The following CSMD3 variants were observed in gnomAD, a reference collection of about 807,000 sequenced individuals.
The protein encoded by CSMD3 is CUB and sushi domain-containing protein 3.
Under a neutral mutation model 435.2 loss-of-function variants are expected in CSMD3, and 177 were observed. That is an observed-to-expected ratio of 0.41 (90% CI 0.36 to 0.46). CSMD3 has a LOEUF of 0.46. Among genes scored for constraint, CSMD3 ranks in the 20% least tolerant of loss-of-function variants. CSMD3 has a pLI of 0.34. For missense variants in CSMD3, 4,265 were observed against 4,504.6 expected (o/e 0.95, Z 1.52); for synonymous variants, 1,656 against 1,520.5 (o/e 1.09, Z -2.07).
chr8:112,372,625 G>T (rs1205697375), intron 38 of CSMD3, among the ~76,000 whole-genome samples: 1 of 151,996 alleles, frequency 6.6e-6, no homozygotes, highest in Non-Finnish European at 1.5e-5. Flanking sequence ...CGAGGAGGGC[G>T]GATTGCCTGA....
At chr8:112,494,472 CT>C (rs752082153) in intron 30 of CSMD3, among the ~76,000 whole-genome samples, 8 of 100,962 alleles carry the variant, frequency 7.9e-5, no homozygotes, top group East Asian at 4.8e-4. Flanking sequence ...CTTTCTCTTT[CT>C]TTTCTTTTGT....
intron 1 of CSMD3, among the ~76,000 whole-genome samples, chr8:113,415,129 G>T (rs1588687587): frequency 1.3e-5 from 2 of 152,256 alleles, no homozygotes; most frequent in East Asian, 1.9e-4. Flanking sequence ...ATTGTAATTT[G>T]CTGCCTCTGA....
At position 112,460,097 on chromosome 8, in the gene CSMD3, T is replaced by C. The variant is rs78482137; in HGVS notation, c.5395+12494A>G. 5.3e-5 allele frequency among the ~76,000 whole-genome samples: 8 copies of C among 152,242 alleles called. No individual in the cohort carries two copies. The East Asian group carries it at 9.7e-4, about 18-fold the overall frequency. ...CGGTAGTTTCCCACATCGTAGTTTA[T>C]AGCAGTTTCCACATTCTTCCTGAAT... On this transcript the variant is annotated intron_variant, in intron 32 of 70. Coordinates refer to ENST00000297405, the MANE Select transcript of CSMD3 (RefSeq NM_198123.2).
At chr8:112,558,653 A>T (rs1405415516) in intron 24 of CSMD3, among the ~76,000 whole-genome samples, 1 of 151,898 alleles carries the variant, frequency 6.6e-6, no homozygotes, top group Non-Finnish European at 1.5e-5. Flanking sequence ...TCCCTACACC[A>T]GAGAGCTGGA....
At chr8:113,417,409 A>C (rs2094586847) in intron 1 of CSMD3, among the ~76,000 whole-genome samples, 1 of 152,004 alleles carries the variant, frequency 6.6e-6, no homozygotes, top group African/African-American at 2.4e-5. Context: ...AAACTAGTAC[A>C]AAAGTTATGA....
chr8:113,308,544 A>C (rs1359559067), intron 2 of CSMD3, among the ~76,000 whole-genome samples: 1 of 152,124 alleles, frequency 6.6e-6, no homozygotes, highest in African/African-American at 2.4e-5. Context: ...CTGGCATTAC[A>C]GGCGTGAGCC....
rs1001338082 is a variant in CSMD3 at position 113,310,367 on chromosome 8, A to G, written c.401+4204T>C. Reference sequence around the variant, plus strand: ...TTTAAATAAATGGATAATATATATCATATAAAAATTTTAAAATTCTTCACT... The same window carrying G: ...TTTAAATAAATGGATAATATATATCGTATAAAAATTTTAAAATTCTTCACT... On this transcript the variant is annotated intron_variant, in intron 2 of 70. Coordinates refer to ENST00000297405, the MANE Select transcript of CSMD3 (RefSeq NM_198123.2). 1.1e-4 allele frequency: 17 copies of G among 152,106 alleles called. No homozygotes were observed. In the East Asian group the frequency reaches 3.1e-3, roughly 28 times the overall value. 9.4% of individuals were successfully genotyped at this position (152,106 alleles called of 1,614,324 possible). A position where few individuals can be genotyped will look rare whatever the true frequency, so the allele number is the denominator to read the frequency against.
Position 112,254,178 on chromosome 8 carries a change from A to G in CSMD3, c.10110+75T>C. 4 of 998,784 alleles carry G rather than the reference A, an allele frequency of 4.0e-6. No individual in the cohort carries two copies. The Admixed American group carries it at 6.8e-5, about 17-fold the overall frequency. The allele number at this position is 998,784 out of a possible 1,614,324, so 61.9% of individuals were successfully genotyped here. On this transcript the variant is annotated intron_variant, in intron 63 of 70. Coordinates refer to ENST00000297405, the MANE Select transcript of CSMD3 (RefSeq NM_198123.2). The stretch of plus-strand genomic sequence containing the variant: ...GAACATGACTTTTTGTTATGTCAAC[A>G]AGATTATATGCATATGAACCAAAGA...
chr8:112,326,990 C>T (rs1035219717), intron 45 of CSMD3, among the ~76,000 whole-genome samples: 2 of 151,936 alleles, frequency 1.3e-5, no homozygotes, highest in African/African-American at 4.8e-5. Context: ...CCGCTGCACT[C>T]CAGCCTGGGC....
intron 5 of CSMD3, among the ~76,000 whole-genome samples, chr8:113,086,985 T>C (rs1008197661): frequency 1.3e-5 from 2 of 152,218 alleles, no homozygotes; most frequent in African/African-American, 4.8e-5. Context: ...TATCTGAATA[T>C]GTTTTGTTGG....
rs1586463868 is a variant in CSMD3 at position 112,480,417 on chromosome 8, T to C, written c.5279-7710A>G. Among the ~76,000 whole-genome samples, 8 of 152,238 alleles carry C rather than the reference T, an allele frequency of 5.3e-5. 2 individuals carry two copies. The highest frequency in any genetic ancestry group is 5.2e-4 in the Admixed American group (8 of 15,290). ...TTTTCAATGTGAGAAGGATATAAGATATGAGGGGCCAGGGGCAGAATGATA... is the reference window on the plus strand; with the variant it reads ...TTTTCAATGTGAGAAGGATATAAGACATGAGGGGCCAGGGGCAGAATGATA... On this transcript the variant is annotated intron_variant, in intron 31 of 70. Transcript: ENST00000297405.
intron 1 of CSMD3, among the ~76,000 whole-genome samples, chr8:113,358,323 T>C (rs935122345): frequency 1.3e-5 from 2 of 152,206 alleles, no homozygotes; most frequent in African/African-American, 4.8e-5. Context: ...ATGCAAAAGC[T>C]GTACTGCACA....
At chr8:113,320,031 C>A (rs2093938567) in intron 1 of CSMD3, among the ~76,000 whole-genome samples, 1 of 152,094 alleles carries the variant, frequency 6.6e-6, no homozygotes, top group South Asian at 2.1e-4. Flanking sequence ...CTTCTGGGAG[C>A]TGACAATCTA....
chr8:112,484,095 A>C (rs1049643481), intron 31 of CSMD3, among the ~76,000 whole-genome samples: 2 of 152,180 alleles, frequency 1.3e-5, no homozygotes, highest in African/African-American at 4.8e-5. Context: ...TCCACCTCAG[A>C]CTTCTAAAGA....
intron 59 of CSMD3, among the ~76,000 whole-genome samples, chr8:112,268,427 G>T (rs528469183): frequency 7.4e-4 from 112 of 152,210 alleles, no homozygotes; most frequent in African/African-American, 2.6e-3. Flanking sequence ...AATCTATGCC[G>T]CTTTAAAACT....
intron 11 of CSMD3, among the ~76,000 whole-genome samples, chr8:112,848,217 G>A (rs1255568135): frequency 6.6e-6 from 1 of 152,062 alleles, no homozygotes; most frequent in Non-Finnish European, 1.5e-5. Context: ...GAAAAACCCA[G>A]TAACTATGCC....
chr8:113,136,000 T>A (rs2091408639), intron 4 of CSMD3, among the ~76,000 whole-genome samples: 1 of 151,884 alleles, frequency 6.6e-6, no homozygotes, highest in African/African-American at 2.4e-5. Flanking sequence ...CAGGCACTGT[T>A]AGATATTGAG....
chr8:113,152,036 T>C (rs929322513), intron 4 of CSMD3, among the ~76,000 whole-genome samples: 1 of 151,900 alleles, frequency 6.6e-6, no homozygotes, highest in Non-Finnish European at 1.5e-5. Context: ...TATGAGGCAA[T>C]ATAGGTGTCC....
intron 7 of CSMD3, among the ~76,000 whole-genome samples, chr8:112,964,955 T>C (rs906144366): frequency 1.3e-5 from 2 of 151,954 alleles, no homozygotes; most frequent in African/African-American, 4.8e-5. Context: ...ATTGTAAAGA[T>C]TAGTTGTGTG....
Sources: allele counts gnomAD v4.1 joint callset (sites outside exome capture counted in the v4.1 genomes callset), GRCh38; gene constraint gnomAD v4.1.1; transcripts MANE v1.5; gene names NCBI Gene and HGNC (gene_info 2026-07-23, HGNC 2026-07-21).